ADAR: variants seen among roughly 807,000 people sequenced by gnomAD.
ADAR encodes double-stranded RNA-specific adenosine deaminase.
A neutral mutation model predicts 113.2 loss-of-function variants in ADAR; 41 were observed. The observed-to-expected ratio is 0.36, with a 90% CI of 0.28 to 0.47. ADAR has a LOEUF of 0.47. ADAR is among the 20% of genes least tolerant of loss of function. The probability of loss-of-function intolerance (pLI) is 1.00; values close to 1 mark genes in which losing one functional copy is unlikely to be tolerated. For missense variants in ADAR, 1,242 were observed against 1,540.9 expected, an observed-to-expected ratio of 0.81 and a Z score of 3.25; for synonymous variants, 605 against 572.6, an observed-to-expected ratio of 1.06 and a Z score of -0.81.
At position 154,601,984 on chromosome 1, in the gene ADAR, C is replaced by A. The variant is rs1255977706; in HGVS notation, c.658G>T (p.Ala220Ser). 4 of 1,612,208 alleles carry A rather than the reference C, an allele frequency of 2.5e-6. No homozygotes were observed. The highest frequency in any genetic ancestry group is 1.7e-6 in the Non-Finnish European group (2 of 1,179,434). The change falls in exon 2 of 15, where the codon GCC becomes TCC. Residue 220 changes from alanine (A) to serine (S), a missense_variant. Transcript: ENST00000368474. The surrounding 1 kb of genome is among the most constrained non-coding windows in gnomAD (Gnocchi z 4.7). ...TCCAAACTCGGGTCTGAGTTTGGGG[C>A]TCCTTGGCTATGACCGTCTGGTCTT... ...VVRPDGHSQG[A>S]PNSDPSLEPE...
Position 154,583,191 on chromosome 1 carries a change from G to A in ADAR, c.*1615C>T, listed in dbSNP as rs2101547546. 6.6e-6 allele frequency: 1 copy of A among 152,298 alleles called. No homozygotes were observed. The highest frequency in any genetic ancestry group is 1.9e-4 in the East Asian group (1 of 5,176). The allele number at this position is 152,298 out of a possible 1,614,324, so 9.4% of individuals were successfully genotyped here. Reference sequence around the variant, plus strand: ...GTCGCAGAGCCTCAGTAGTCCTCCTGAGTGTGTCTAGCTGACTGTTATCGA... The same window carrying A: ...GTCGCAGAGCCTCAGTAGTCCTCCTAAGTGTGTCTAGCTGACTGTTATCGA... On this transcript the variant is annotated 3_prime_UTR_variant, in exon 15 of 15. Coordinates refer to ENST00000368474, the MANE Select transcript of ADAR (RefSeq NM_001111.5).
In ADAR at chr1:154,623,614, C is replaced by G. The variant is rs1483041579; in HGVS notation, c.-871+4241G>C. On this transcript the variant is annotated intron_variant, in intron 1 of 14. Coordinates refer to the ADAR transcript ENST00000368471. ...TCTCCAATTGTGGTCTCCCTATTTC[C>G]TTGTCAGCAATGGTTAATTTACAAC... is the stretch of plus-strand genomic sequence containing the variant. Among the ~76,000 whole-genome samples, 3 of 152,198 alleles carry G rather than the reference C, an allele frequency of 2.0e-5. No individual in the cohort carries two copies. In the East Asian group the frequency reaches 5.8e-4, roughly 29 times the overall value.
chr1:154,588,135 C>A lies in ADAR; in HGVS notation c.3009G>T (p.Lys1003Asn). The stretch of plus-strand genomic sequence containing the variant: ...GCATGTATCACTCACCGTTCTCCAC[C>A]TTGGTGCGGAGCTTTCCTTGTTTGG... ...ENPKQGKLRTKVENGEGTIPV... is the reference protein window; with the variant it reads ...ENPKQGKLRTNVENGEGTIPV... Residue 1003 changes from lysine to asparagine, a missense_variant, in exon 11 of 15, where the codon AAG becomes AAT. This residue lies in a region of ADAR where 780 missense variants were observed against 1,057.9 expected (regional missense o/e 0.74). Transcript: ENST00000368474. 1 of 1,613,864 alleles carries A rather than the reference C, an allele frequency of 6.2e-7. No individual in the cohort carries two copies. Among genetic ancestry groups the A allele is most frequent in the Non-Finnish European group, 8.5e-7 (1 of 1,179,980 alleles).
intron 1 of ADAR, among the ~76,000 whole-genome samples, chr1:154,620,179 C>T (rs1304716367): frequency 6.6e-6 from 1 of 152,244 alleles, no homozygotes; most frequent in South Asian, 2.1e-4. Context: ...GAGGCCAAGG[C>T]GGGTGGACCA....
rs978970617 is a variant in ADAR, at chr1:154,583,087, C to T, written c.*1719G>A. On this transcript the variant is annotated 3_prime_UTR_variant, in exon 15 of 15. Transcript: ENST00000368474. ...CCTAGTCAGCAGTTTGGAGGGAAAT[C>T]ATCTGAGGGTGCTGGCTCAGCACGT... 10 of 152,364 alleles carry T rather than the reference C, an allele frequency of 6.6e-5. No individual in the cohort carries two copies. Among genetic ancestry groups the T allele is most frequent in the Admixed American group, 2.0e-4 (3 of 15,314 alleles). 9.4% of individuals were successfully genotyped at this position (152,364 alleles called of 1,614,324 possible).
At chr1:154,593,812 A>G (rs909199011) in intron 6 of ADAR, among the ~76,000 whole-genome samples, 6 of 152,234 alleles carry the variant, frequency 3.9e-5, no homozygotes, top group Non-Finnish European at 8.8e-5. Context: ...AAGGACAAGA[A>G]CAGGTGGTTC....
intron 1 of ADAR, among the ~76,000 whole-genome samples, chr1:154,619,457 C>T (rs180825043): frequency 6.6e-6 from 1 of 152,134 alleles, no homozygotes; most frequent in African/African-American, 2.4e-5. Flanking sequence ...TCTGTCTGTA[C>T]GAACCAACAC....
intron 1 of ADAR, among the ~76,000 whole-genome samples, chr1:154,627,340 C>T (rs1475198741): frequency 6.6e-6 from 1 of 152,222 alleles, no homozygotes; most frequent in African/African-American, 2.4e-5. Context: ...CCTACGCCTT[C>T]CCTGTGGAAG....
At position 154,601,073 on chromosome 1, in the gene ADAR, C is replaced by T; in HGVS notation, c.1569G>A (p.Met523Ile). 6.2e-7 allele frequency: 1 copy of T among 1,614,212 alleles called. No individual in the cohort carries two copies. ...QFASQTCEFNMIEQSGPPHEP... is the reference protein window; with the variant it reads ...QFASQTCEFNIIEQSGPPHEP... Reference sequence around the variant, plus strand: ...CATGGGGTGGTCCACTCTGCTCTATCATGTTGAACTCACAGGTTTGACTAG... The same window carrying T: ...CATGGGGTGGTCCACTCTGCTCTATTATGTTGAACTCACAGGTTTGACTAG... Residue 523 changes from methionine to isoleucine, a missense_variant, in exon 2 of 15, where the codon ATG (methionine) becomes ATA (isoleucine). This residue lies in a region of ADAR where 780 missense variants were observed against 1,057.9 expected (regional missense o/e 0.74). Coordinates refer to ENST00000368474, the MANE Select transcript of ADAR (RefSeq NM_001111.5). This position sits in a 1 kb window ranked among gnomAD's most constrained non-coding sequence, Gnocchi z 4.7.
intron 1 of ADAR, 27 bp from the exon 2 acceptor site, chr1:154,602,653 AAATG>A (rs1471870813): frequency 6.2e-7 from 1 of 1,611,748 alleles, no homozygotes. Context: ...TGGAAAAAGA[AAATG>A]AATTAGGGCT....
chr1:154,596,715 C>A, intron 6 of ADAR, 90 bp downstream of exon 6: 1 of 1,500,004 alleles, frequency 6.7e-7, no homozygotes, highest in East Asian at 2.3e-5. Flanking sequence ...CCCTTCTGTC[C>A]TACACAGCTA....
intron 1 of ADAR, among the ~76,000 whole-genome samples, chr1:154,625,339 G>C (rs80099877): frequency 6.6e-6 from 1 of 152,122 alleles, no homozygotes; most frequent in Non-Finnish European, 1.5e-5. Flanking sequence ...TGATGAGCAA[G>C]GGCAAGAGCA....
chr1:154,615,986 G>A (rs1437453142), intron 1 of ADAR, among the ~76,000 whole-genome samples: 3 of 152,026 alleles, frequency 2.0e-5, no homozygotes, highest in Admixed American at 6.5e-5. Context: ...CAGTCTTCTC[G>A]ACACAGCTTG....
At chr1:154,592,790 T>C (rs1053032465) in intron 6 of ADAR, among the ~76,000 whole-genome samples, 5 of 151,758 alleles carry the variant, frequency 3.3e-5, no homozygotes, top group African/African-American at 9.7e-5. Context: ...AGGTGACAAG[T>C]AAGCAACTAG....
At chr1:154,599,048 G>A (rs949115029) in intron 2 of ADAR, among the ~76,000 whole-genome samples, 1 of 152,154 alleles carries the variant, frequency 6.6e-6, no homozygotes, top group Non-Finnish European at 1.5e-5. Flanking sequence ...CACTACCTAG[G>A]GGGATCAGGC....
chr1:154,611,816 T>C (rs1025665550), upstream of ADAR, among the ~76,000 whole-genome samples: 2 of 152,240 alleles, frequency 1.3e-5, no homozygotes, highest in Admixed American at 1.3e-4. Flanking sequence ...TAAGAGTTAC[T>C]GTCTAAAAAT....
In ADAR at chr1:154,602,501, G is replaced by A. The variant is rs772129626; in HGVS notation, c.141C>T (p.Leu47=). ...CCGGTGCTTCTGGGAGCTGCCCCTTGAGAAATTCTATTTGCTTAAGCAGGA... is the reference window on the plus strand; with the variant it reads ...CCGGTGCTTCTGGGAGCTGCCCCTTAAGAAATTCTATTTGCTTAAGCAGGA... ...SSFLLKQIEF[L]KGQLPEAPVI... The change falls in exon 2 of 15, where the codon CTC becomes CTT. Residue 47 remains leucine, a synonymous_variant. Transcript: ENST00000368474. The A allele has an allele frequency of 3.1e-6, 5 of 1,614,224 alleles. No individual in the cohort carries two copies. The highest frequency in any genetic ancestry group is 4.2e-6 in the Non-Finnish European group (5 of 1,180,030).
At chr1:154,623,945 G>A (rs1237663192) in intron 1 of ADAR, among the ~76,000 whole-genome samples, 5 of 151,596 alleles carry the variant, frequency 3.3e-5, no homozygotes, top group African/African-American at 9.7e-5. Flanking sequence ...GGAGGTTGCC[G>A]CCAGCCAAGA....
At chr1:154,585,942 T>C in intron 12 of ADAR, 77 bp from the exon 13 acceptor site, 1 of 1,371,834 alleles carries the variant, frequency 7.3e-7, no homozygotes, top group Non-Finnish European at 1.0e-6. Context: ...TGTGGGGATT[T>C]TGGAGGTACA....
Sources: gnomAD v4.1 joint callset for allele counts (sites outside exome capture counted in the v4.1 genomes callset) on GRCh38, gnomAD v4.1.1 for gene constraint, gnomAD v4.1.1 regional missense constraint, Gnocchi (gnomAD v3.1) non-coding constraint, MANE v1.5 for transcripts, NCBI Gene and HGNC (gene_info 2026-07-23, HGNC 2026-07-21) for gene names.